Variants in ADAM29 observed in about 807,000 individuals in gnomAD.
ADAM29 encodes the protein disintegrin and metalloproteinase domain-containing protein 29.
For missense variants in ADAM29, 969 were observed against 1,001.8 expected, an observed-to-expected ratio of 0.97 and a Z score of 0.44; for synonymous variants, 367 against 342.3, an observed-to-expected ratio of 1.07 and a Z score of -0.80.
chr4:174,976,490 C>G lies in ADAM29; in HGVS notation c.965C>G (p.Thr322Ser). 6.2e-7 allele frequency: 1 copy of G among 1,611,724 alleles called. No homozygotes were observed. Among genetic ancestry groups the G allele is most frequent in the South Asian group, 1.1e-5 (1 of 90,606 alleles). Reference protein sequence around the residue: ...SCAIVTFMNKTLGTFSIAVAH... With the variant: ...SCAIVTFMNKSLGTFSIAVAH... ...GCAATTGTTACTTTCATGAACAAAA[C>G]TTTGGGCACTTTTTCAATTGCAGTG... Residue 322 changes from threonine to serine, a missense_variant, in exon 5 of 5, where the codon ACT (threonine) becomes AGT (serine). Thr to Ser is a moderately conservative substitution (Grantham distance 58). Coordinates refer to ENST00000359240, the MANE Select transcript of ADAM29 (RefSeq NM_014269.4).
At chr4:174,946,862 C>A (rs1352874107) in intron 4 of ADAM29, among the ~76,000 whole-genome samples, 2 of 152,006 alleles carry the variant, frequency 1.3e-5, no homozygotes, top group Non-Finnish European at 2.9e-5. Flanking sequence ...GTCTGTAATT[C>A]TTTCTGGTCC....
chr4:174,976,780 T>C lies in ADAM29; in HGVS notation c.1255T>C (p.Cys419Arg), dbSNP rs776999491. The C allele has an allele frequency of 6.2e-7, 1 of 1,614,138 alleles. No homozygotes were observed. Among genetic ancestry groups the C allele is most frequent in the Non-Finnish European group, 8.5e-7 (1 of 1,180,014 alleles). Residue 419 changes from cysteine (C) to arginine (R), a missense_variant, in exon 5 of 5, where the codon TGT (cysteine) becomes CGT (arginine). Coordinates refer to ENST00000359240, the MANE Select transcript of ADAM29 (RefSeq NM_014269.4). Reference protein sequence around the residue: ...EECDCGPLKHCAKDPCCLSNC... With the variant: ...EECDCGPLKHRAKDPCCLSNC... ...GTGTGACTGTGGACCTTTAAAGCATTGTGCAAAAGATCCCTGCTGTCTGTC... is the reference window on the plus strand; with the variant it reads ...GTGTGACTGTGGACCTTTAAAGCATCGTGCAAAAGATCCCTGCTGTCTGTC...
intron 4 of ADAM29, among the ~76,000 whole-genome samples, chr4:174,963,373 A>G (rs1745966063): frequency 6.6e-6 from 1 of 152,198 alleles, no homozygotes; most frequent in African/African-American, 2.4e-5. Context: ...AAATTTATAT[A>G]AAGGAAACAC....
intron 4 of ADAM29, among the ~76,000 whole-genome samples, chr4:174,971,229 AT>A (rs1218207096): frequency 2.6e-5 from 4 of 152,210 alleles, no homozygotes; most frequent in African/African-American, 9.6e-5. Context: ...TGAATAAAAA[AT>A]AATAGTCATT....
intron 2 of ADAM29, among the ~76,000 whole-genome samples, chr4:174,930,553 TC>T (rs1743803795): frequency 6.6e-6 from 1 of 152,154 alleles, no homozygotes; most frequent in Non-Finnish European, 1.5e-5. Flanking sequence ...CATATTAAAG[TC>T]CTTAAAAATT....
At chr4:174,970,742 C>A (rs1746426028) in intron 4 of ADAM29, among the ~76,000 whole-genome samples, 2 of 152,222 alleles carry the variant, frequency 1.3e-5, no homozygotes, top group Admixed American at 6.5e-5. Context: ...GTATTAAAAT[C>A]TATATTGTTG....
intron 4 of ADAM29, among the ~76,000 whole-genome samples, chr4:174,965,454 T>C (rs181355780): frequency 2.6e-5 from 4 of 152,134 alleles, no homozygotes; most frequent in South Asian, 2.1e-4. Flanking sequence ...TGAGTTTTCA[T>C]GGGGAGAAAC....
intron 4 of ADAM29, among the ~76,000 whole-genome samples, chr4:174,951,174 G>C (rs1745155059): frequency 6.6e-6 from 1 of 152,114 alleles, no homozygotes; most frequent in South Asian, 2.1e-4. Context: ...AAAAATACCT[G>C]ATACCCAAAA....
intron 2 of ADAM29, among the ~76,000 whole-genome samples, chr4:174,922,545 G>A (rs1743224364): frequency 6.6e-6 from 1 of 152,124 alleles, no homozygotes; most frequent in African/African-American, 2.4e-5. Context: ...AAGAAACTCA[G>A]AGGTACCATT....
intron 1 of ADAM29, among the ~76,000 whole-genome samples, 189 bp from the exon 2 acceptor site, chr4:174,920,498 C>G (rs140461821): frequency 5.9e-5 from 9 of 152,018 alleles, no homozygotes; most frequent in Non-Finnish European, 7.4e-5. Context: ...TATTAAAACA[C>G]GCTAATAAAT....
At chr4:174,943,578 A>G (rs926430275) in intron 4 of ADAM29, among the ~76,000 whole-genome samples, 2 of 152,102 alleles carry the variant, frequency 1.3e-5, no homozygotes, top group African/African-American at 2.4e-5. Flanking sequence ...AGAATCCACT[A>G]TCATGAGAAC....
chr4:174,956,186 T>C (rs1376339312), intron 4 of ADAM29, among the ~76,000 whole-genome samples: 1 of 152,044 alleles, frequency 6.6e-6, no homozygotes, highest in Non-Finnish European at 1.5e-5. Context: ...ATATTTGGTA[T>C]CTCATTCCTT....
At position 174,977,409 on chromosome 4, in the gene ADAM29, A is replaced by G. The variant is rs747530121; in HGVS notation, c.1884A>G (p.Ala628=). The change falls in exon 5 of 5, where the codon GCA becomes GCG. Residue 628 remains alanine, a synonymous_variant. Transcript: ENST00000359240. Reference sequence around the variant, plus strand: ...TCTTGAATAGTAATTGCTCACCTGCATTTTGTAACAAGAGGGGCATCTGCA... The same window carrying G: ...TCTTGAATAGTAATTGCTCACCTGCGTTTTGTAACAAGAGGGGCATCTGCA... The part of the protein sequence containing the change: ...ITILNSNCSP[A]FCNKRGICNN... 6.2e-7 allele frequency: 1 copy of G among 1,614,010 alleles called. No homozygotes were observed. The highest frequency in any genetic ancestry group is 2.2e-5 in the East Asian group (1 of 44,858).
Position 174,950,843 on chromosome 4 carries a change from G to A in ADAM29, c.-181+13830G>A, listed in dbSNP as rs115331349. 8.6e-3 allele frequency among the ~76,000 whole-genome samples: 1,307 copies of A among 152,168 alleles called. 21 individuals are homozygous for A. The highest frequency in any genetic ancestry group is 0.028 in the African/African-American group (1,173 of 41,518). ...TCTGTTCATGTGATAGAGTTCTCAC[G>A]AGATCTGATTGTTGGAAAGTGTGTG... On this transcript the variant is annotated intron_variant, in intron 4 of 4. Coordinates refer to ENST00000359240, the MANE Select transcript of ADAM29 (RefSeq NM_014269.4).
chr4:174,936,492 T>C (rs905082433), intron 3 of ADAM29, among the ~76,000 whole-genome samples: 2 of 151,938 alleles, frequency 1.3e-5, no homozygotes, highest in Non-Finnish European at 2.9e-5. Flanking sequence ...ATTACCACTG[T>C]AAACTTGCCC....
chr4:174,953,558 A>G (rs1322855156), intron 4 of ADAM29, among the ~76,000 whole-genome samples: 1 of 152,214 alleles, frequency 6.6e-6, no homozygotes, highest in Non-Finnish European at 1.5e-5. Context: ...CCAGATATAC[A>G]GCATTCAAAG....
At chr4:174,942,451 T>C (rs1395504762) in intron 4 of ADAM29, among the ~76,000 whole-genome samples, 1 of 152,152 alleles carries the variant, frequency 6.6e-6, no homozygotes, top group Non-Finnish European at 1.5e-5. Flanking sequence ...GTTCAACTCT[T>C]GTCTTCTGCA....
Position 174,978,155 on chromosome 4 carries a change from G to T in ADAM29, c.*167G>T, listed in dbSNP as rs1001796072. 8.9e-7 allele frequency: 1 copy of T among 1,118,844 alleles called. No individual in the cohort carries two copies. The highest frequency in any genetic ancestry group is 1.3e-6 in the Non-Finnish European group (1 of 780,886). The allele number at this position is 1,118,844 out of a possible 1,614,324, so 69.3% of individuals were successfully genotyped here. A position where few individuals can be genotyped will look rare whatever the true frequency, so the allele number is the denominator to read the frequency against. On this transcript the variant is annotated 3_prime_UTR_variant, in exon 5 of 5. Transcript: ENST00000359240. ...ATTCCAAAAACTGTATCCAGAAAAGGTACATTAAAAAAATAATTCCTAGTA... is the reference window on the plus strand; with the variant it reads ...ATTCCAAAAACTGTATCCAGAAAAGTTACATTAAAAAAATAATTCCTAGTA...
At chr4:174,935,640 C>T (rs570859303) in intron 3 of ADAM29, among the ~76,000 whole-genome samples, 1 of 152,208 alleles carries the variant, frequency 6.6e-6, no homozygotes, top group Non-Finnish European at 1.5e-5. Context: ...ATCTGGTTGA[C>T]TTAATCTATT....
Sources: gnomAD v4.1 joint callset for allele counts (sites outside exome capture counted in the v4.1 genomes callset) on GRCh38, gnomAD v4.1.1 for gene constraint, MANE v1.5 for transcripts, NCBI Gene and HGNC (gene_info 2026-07-23, HGNC 2026-07-21) for gene names.